CLTC: variants seen among roughly 807,000 people sequenced by gnomAD.
CLTC encodes clathrin heavy chain 1.
In CLTC, 16 loss-of-function variants were observed where a neutral mutation model predicts 195.8. That is an observed-to-expected ratio of 0.08 (90% CI 0.06 to 0.12). The LOEUF is 0.12. Among genes scored for constraint, CLTC ranks in the 10% least tolerant of loss-of-function variants. The probability of loss-of-function intolerance (pLI) is 1.00; values close to 1 mark genes in which losing one functional copy is unlikely to be tolerated. For synonymous variants in CLTC, 667 were observed against 689.4 expected, an observed-to-expected ratio of 0.97 and a Z score of 0.51; for missense variants, 796 against 2,027.0, an observed-to-expected ratio of 0.39 and a Z score of 11.66.
At position 59,683,615 on chromosome 17, in the gene CLTC, C is replaced by T. The variant is rs1219232379; in HGVS notation, c.4192-10C>T. On this transcript the variant is annotated splice_polypyrimidine_tract_variant and intron_variant, in intron 26 of 31. Coordinates refer to ENST00000269122, the MANE Select transcript of CLTC (RefSeq NM_004859.4). This position sits in a 1 kb window ranked among gnomAD's most constrained non-coding sequence, Gnocchi z 6.1. ...AGTAACTGACTTATGTATGGATTTT[C>T]CCATTGTAGGTTGCCAATGTGGAAC... The T allele has an allele frequency of 1.2e-6, 2 of 1,613,840 alleles. No homozygotes were observed. Among genetic ancestry groups the T allele is most frequent in the Non-Finnish European group, 1.7e-6 (2 of 1,179,822 alleles).
At position 59,694,838 on chromosome 17, in the gene CLTC, G is replaced by A; in HGVS notation, c.*986G>A. ...ACAGTAGTTTTTGTAGTTTTATATT[G>A]GATACTGAGGCATTAGGGAGGCATG... On this transcript the variant is annotated 3_prime_UTR_variant, in exon 32 of 32. Transcript: ENST00000269122. 2 of 225,764 alleles carry A rather than the reference G, an allele frequency of 8.9e-6. No individual in the cohort carries two copies. 14.0% of individuals were successfully genotyped at this position (225,764 alleles called of 1,614,324 possible). A position where few individuals can be genotyped will look rare whatever the true frequency, so the allele number is the denominator to read the frequency against.
chr17:59,626,370 C>A (rs2031551812), intron 1 of CLTC, among the ~76,000 whole-genome samples: 1 of 152,074 alleles, frequency 6.6e-6, no homozygotes, highest in Non-Finnish European at 1.5e-5. Context: ...TTAAATAAAT[C>A]TTTTATTATG....
chr17:59,622,446 C>T (rs1403422605), intron 1 of CLTC, among the ~76,000 whole-genome samples: 1 of 152,122 alleles, frequency 6.6e-6, no homozygotes, highest in African/African-American at 2.4e-5. Context: ...GGCACCATCA[C>T]AGCTCACTGC....
chr17:59,674,693 A>G lies in CLTC; in HGVS notation c.2419-8A>G. On this transcript the variant is annotated splice_region_variant and splice_polypyrimidine_tract_variant and intron_variant, in intron 15 of 31. Coordinates refer to ENST00000269122, the MANE Select transcript of CLTC (RefSeq NM_004859.4). ...TAATAACATTCTTCTACTTCTTTTT[A>G]ACCACAGGTGAATCCAAGTCGACTT... The G allele has an allele frequency of 6.2e-7, 1 of 1,602,542 alleles. No individual in the cohort carries two copies. Among genetic ancestry groups the G allele is most frequent in the Non-Finnish European group, 8.5e-7 (1 of 1,175,382 alleles).
intron 5 of CLTC, among the ~76,000 whole-genome samples, chr17:59,654,143 C>T (rs1464970268): frequency 6.6e-6 from 1 of 151,934 alleles, no homozygotes; most frequent in Non-Finnish European, 1.5e-5. Flanking sequence ...GGGATACAGA[C>T]ACATACCACT....
At chr17:59,672,750 G>T (rs908621516) in intron 14 of CLTC, among the ~76,000 whole-genome samples, 1 of 152,056 alleles carries the variant, frequency 6.6e-6, no homozygotes, top group African/African-American at 2.4e-5. Flanking sequence ...CTAGTCTCAG[G>T]AGCCATTTAA....
intron 1 of CLTC, among the ~76,000 whole-genome samples, chr17:59,635,478 A>T (rs188896892): frequency 2.6e-4 from 39 of 152,328 alleles, no homozygotes; most frequent in Admixed American, 1.2e-3. Context: ...TAGTAGGCTC[A>T]AAGCAAACCT....
At chr17:59,623,347 GC>G (rs1183569519) in intron 1 of CLTC, among the ~76,000 whole-genome samples, 1 of 152,188 alleles carries the variant, frequency 6.6e-6, no homozygotes, top group Non-Finnish European at 1.5e-5. Context: ...GAATTATGCG[GC>G]AGTCTCCTGG....
chr17:59,680,823 C>A, intron 18 of CLTC, 89 bp from the exon 19 acceptor site: 1 of 1,015,036 alleles, frequency 9.9e-7, no homozygotes, highest in Non-Finnish European at 1.4e-6. Flanking sequence ...TCTTTTCTGC[C>A]TATTTCAAGT....
Position 59,666,542 on chromosome 17 carries a change from A to G in CLTC, c.1845A>G (p.Gln615=). ...FTHYDRAHIA[Q]LCEKAGLLQR... is the part of the protein sequence containing the mutation. ...ATTATGACCGGGCTCATATTGCTCAACTGTGTGAAAAGGCTGGCCTACTGC... is the reference window on the plus strand; with the variant it reads ...ATTATGACCGGGCTCATATTGCTCAGCTGTGTGAAAAGGCTGGCCTACTGC... The change falls in exon 12 of 32, where the codon CAA becomes CAG. Residue 615 remains glutamine, a synonymous_variant. Coordinates refer to ENST00000269122, the MANE Select transcript of CLTC (RefSeq NM_004859.4). The surrounding 1 kb of genome is among the most constrained non-coding windows in gnomAD (Gnocchi z 4.9). 6.2e-7 allele frequency: 1 copy of G among 1,614,146 alleles called. No individual in the cohort carries two copies. The highest frequency in any genetic ancestry group is 8.5e-7 in the Non-Finnish European group (1 of 1,180,008).
chr17:59,676,644 C>T lies in CLTC; in HGVS notation c.2562-310C>T, dbSNP rs566234363. Among the ~76,000 whole-genome samples, 9 of 152,194 alleles carry T rather than the reference C, an allele frequency of 5.9e-5. No homozygotes were observed. In the East Asian group the frequency reaches 1.7e-3, roughly 29 times the overall value. ...AATCATATTTTGAGTCTTAATTTCC[C>T]AATTTATAATAGGATCACTGATAAT... On this transcript the variant is annotated intron_variant, in intron 16 of 31. Coordinates refer to ENST00000269122, the MANE Select transcript of CLTC (RefSeq NM_004859.4).
At chr17:59,640,297 T>C (rs1188876274) in intron 1 of CLTC, among the ~76,000 whole-genome samples, 1 of 152,078 alleles carries the variant, frequency 6.6e-6, no homozygotes, top group African/African-American at 2.4e-5. Context: ...TTCTAGACAT[T>C]CTCACTCAAA....
chr17:59,674,946 G>C, intron 16 of CLTC, 103 bp downstream of exon 16: 2 of 1,182,726 alleles, frequency 1.7e-6, no homozygotes, highest in South Asian at 2.8e-5. Context: ...AACACATGGA[G>C]AATAATTTCC....
In CLTC at chr17:59,666,311, G is replaced by A. The variant is rs2032730930; in HGVS notation, c.1782+71G>A. 1.9e-6 allele frequency: 3 copies of A among 1,570,908 alleles called. No homozygotes were observed. In the South Asian group the frequency reaches 3.4e-5, roughly 18 times the overall value. The stretch of plus-strand genomic sequence containing the variant: ...GTAATTGTGCAGCGCCTCTCAGATT[G>A]TTATGCAAAGCTACTGAGGGGCCTA... On this transcript the variant is annotated intron_variant, in intron 11 of 31. Coordinates refer to ENST00000269122, the MANE Select transcript of CLTC (RefSeq NM_004859.4). The surrounding 1 kb of genome is among the most constrained non-coding windows in gnomAD (Gnocchi z 4.9).
chr17:59,676,139 AG>A (rs1266787279), intron 16 of CLTC, among the ~76,000 whole-genome samples: 2 of 152,154 alleles, frequency 1.3e-5, no homozygotes, highest in Non-Finnish European at 2.9e-5. Flanking sequence ...CCAGGAGGTC[AG>A]GGCCGCAGTG....
At chr17:59,654,022 C>T (rs1378665297) in intron 5 of CLTC, among the ~76,000 whole-genome samples, 2 of 151,910 alleles carry the variant, frequency 1.3e-5, no homozygotes, top group Admixed American at 6.6e-5. Context: ...ATCTGCCCAC[C>T]TTGGCCTCCC....
rs2032740625 is a variant in CLTC, at chr17:59,666,703, A to G, written c.1947+59A>G. 2 of 1,565,548 alleles carry G rather than the reference A, an allele frequency of 1.3e-6. No individual in the cohort carries two copies. Among genetic ancestry groups the G allele is most frequent in the African/African-American group, 2.7e-5 (2 of 73,494 alleles). The stretch of plus-strand genomic sequence containing the variant: ...GTTGTGATTAATAGGTACACTGAAA[A>G]TGTGTTTGTGGTACTAAATATTAAT... On this transcript the variant is annotated intron_variant, in intron 12 of 31. Coordinates refer to ENST00000269122, the MANE Select transcript of CLTC (RefSeq NM_004859.4). The surrounding 1 kb of genome is among the most constrained non-coding windows in gnomAD (Gnocchi z 4.9).
rs567466797 is a variant in CLTC, at chr17:59,696,324, T to C, written c.*2472T>C. 3 of 221,248 alleles carry C rather than the reference T, an allele frequency of 1.4e-5. No individual in the cohort carries two copies. The Admixed American group carries it at 1.7e-4, about 13-fold the overall frequency. The allele number at this position is 221,248 out of a possible 1,614,324, so 13.7% of individuals were successfully genotyped here. On this transcript the variant is annotated 3_prime_UTR_variant, in exon 32 of 32. Transcript: ENST00000269122. ...AAATATTAGAAATTTCAAGGCTGTC[T>C]TTAGTGTTCTGCCCACAATACTCCA... is the stretch of plus-strand genomic sequence containing the variant.
intron 1 of CLTC, among the ~76,000 whole-genome samples, chr17:59,622,736 A>T (rs1271799028): frequency 1.3e-5 from 2 of 152,226 alleles, no homozygotes; most frequent in Non-Finnish European, 2.9e-5. Flanking sequence ...CAGTTTGCTA[A>T]GTAGCAGAAA....
Sources: allele counts gnomAD v4.1 joint callset (sites outside exome capture counted in the v4.1 genomes callset), GRCh38; gene constraint gnomAD v4.1.1; non-coding constraint Gnocchi (gnomAD v3.1); transcripts MANE v1.5; gene names NCBI Gene and HGNC (gene_info 2026-07-23, HGNC 2026-07-21).